The following KIF6 variants were observed in gnomAD, a reference collection of about 807,000 sequenced individuals.
KIF6 encodes kinesin family member 6, also known as kinesin-like protein KIF6.
KIF6 carries 106 observed loss-of-function variants against 112.7 expected under a neutral mutation model. That is an observed-to-expected ratio of 0.94 (90% CI 0.80 to 1.11). The LOEUF is 1.11. Among genes scored for constraint, KIF6 ranks in the 50% least tolerant of loss-of-function variants. The pLI, the probability that KIF6 is intolerant of heterozygous loss-of-function variation, is 0.00. For missense variants in KIF6, 929 were observed against 964.0 expected (o/e 0.96, Z 0.48); for synonymous variants, 339 against 339.9 (o/e 1.00, Z 0.03).
chr6:39,350,424 C>T (rs1254192812), intron 19 of KIF6, among the ~76,000 whole-genome samples: 1 of 152,126 alleles, frequency 6.6e-6, no homozygotes, highest in Non-Finnish European at 1.5e-5. Flanking sequence ...GCTGGTGACC[C>T]TGGGCAAGCT....
rs146236973 is a variant in KIF6, at chr6:39,640,591, T to C, written c.252-834A>G. The stretch of plus-strand genomic sequence containing the variant: ...GGTCCCCATGTTGTGGGTGGATTTT[T>C]TGATAGATGGCTCCTCTGAGTTCAC... On this transcript the variant is annotated intron_variant, in intron 3 of 22. Transcript: ENST00000287152. Among the ~76,000 whole-genome samples, 27 of 152,256 alleles carry C rather than the reference T, an allele frequency of 1.8e-4. No homozygotes were observed. In the East Asian group the frequency reaches 5.2e-3, roughly 29 times the overall value.
At chr6:39,570,740 T>A (rs1300372553) in intron 10 of KIF6, among the ~76,000 whole-genome samples, 1 of 152,308 alleles carries the variant, frequency 6.6e-6, no homozygotes, top group East Asian at 1.9e-4. Flanking sequence ...CCACTTTTGC[T>A]GGACACTCAC....
rs185394256 is a variant in KIF6, at chr6:39,402,520, G to A, written c.1811-16848C>T. ...AACAGAGATCAGAAAATCTCCTGAG[G>A]CACATTTAAGAAACCCATCAATTTT... On this transcript the variant is annotated intron_variant, in intron 15 of 22. Coordinates refer to ENST00000287152, the MANE Select transcript of KIF6 (RefSeq NM_145027.6). 2.3e-3 allele frequency among the ~76,000 whole-genome samples: 346 copies of A among 152,278 alleles called. 2 individuals carry two copies. The highest frequency in any genetic ancestry group is 7.8e-3 in the African/African-American group (324 of 41,562).
intron 14 of KIF6, among the ~76,000 whole-genome samples, chr6:39,425,438 C>T (rs1770696530): frequency 6.6e-6 from 1 of 151,994 alleles, no homozygotes; most frequent in Non-Finnish European, 1.5e-5. Flanking sequence ...CCCTTTGTTC[C>T]CCTTATGCTT....
chr6:39,546,147 T>C (rs1779059811), intron 10 of KIF6, among the ~76,000 whole-genome samples: 2 of 152,194 alleles, frequency 1.3e-5, no homozygotes, highest in South Asian at 2.1e-4. Context: ...CAAATCTTTC[T>C]ACAGCCCCCA....
chr6:39,663,561 A>G (rs947247252), intron 3 of KIF6, among the ~76,000 whole-genome samples: 3 of 152,138 alleles, frequency 2.0e-5, no homozygotes, highest in Admixed American at 2.0e-4. Context: ...AGATTTGGCT[A>G]TAAGAAGCTT....
At chr6:39,678,158 G>A (rs1198937103) in intron 3 of KIF6, among the ~76,000 whole-genome samples, 1 of 151,736 alleles carries the variant, frequency 6.6e-6, no homozygotes, top group African/African-American at 2.4e-5. Context: ...AACAACAGGT[G>A]CTGGAGAGGA....
intron 13 of KIF6, among the ~76,000 whole-genome samples, chr6:39,526,961 A>G (rs983558934): frequency 1.3e-5 from 2 of 152,194 alleles, no homozygotes; most frequent in African/African-American, 4.8e-5. Context: ...CTTAGAAACA[A>G]TATGATTTTT....
chr6:39,410,855 C>A (rs1208874760), intron 15 of KIF6, among the ~76,000 whole-genome samples: 2 of 152,198 alleles, frequency 1.3e-5, no homozygotes, highest in East Asian at 1.9e-4. Context: ...CCTACCTATA[C>A]CCTTTTTAAA....
chr6:39,385,188 G>A (rs1378071101), intron 16 of KIF6, among the ~76,000 whole-genome samples: 1 of 152,232 alleles, frequency 6.6e-6, no homozygotes, highest in Non-Finnish European at 1.5e-5. Context: ...TTGGACTGCT[G>A]TGGATGAAAG....
chr6:39,583,274 A>G (rs778976143), intron 9 of KIF6: 1 of 396,458 alleles, frequency 2.5e-6, no homozygotes, highest in Admixed American at 2.7e-5. Context: ...CTGTAATGCT[A>G]TAGGGCTTCT....
In KIF6 at chr6:39,337,171, CCTT is replaced by C. The variant is rs1309244615; in HGVS notation, c.2429-626_2429-624del. On this transcript the variant is annotated intron_variant, in intron 22 of 22. Transcript: ENST00000287152. The stretch of plus-strand genomic sequence containing the variant: ...TTCTCTTTCTTTTCTTTCTTTCCTT[CCTT>C]CTTTCTTTCTTTCTTTCTTTCTTTC... Among the ~76,000 whole-genome samples the C allele has an allele frequency of 4.9e-3, 234 of 47,716 alleles. 6 individuals carry two copies. Among genetic ancestry groups the C allele is most frequent in the African/African-American group, 7.0e-3 (41 of 5,858 alleles). 31.3% of individuals were successfully genotyped at this position (47,716 alleles called of 152,430 possible).
At chr6:39,565,859 T>C (rs143298385) in intron 10 of KIF6, among the ~76,000 whole-genome samples, 39 of 152,336 alleles carry the variant, frequency 2.6e-4, no homozygotes, top group Middle Eastern at 3.4e-3. Context: ...TTCGTTGACA[T>C]GTCCAGTTTT....
intron 5 of KIF6, among the ~76,000 whole-genome samples, chr6:39,620,742 TAAC>T (rs963436376): frequency 5.7e-5 from 8 of 140,816 alleles, no homozygotes; most frequent in African/African-American, 2.2e-4. Flanking sequence ...GATCACCCCT[TAAC>T]AACATTTTAT....
intron 13 of KIF6, among the ~76,000 whole-genome samples, chr6:39,432,995 G>C (rs1250368251): frequency 1.3e-5 from 2 of 152,066 alleles, no homozygotes; most frequent in African/African-American, 4.8e-5. Flanking sequence ...AAGGGGTGTG[G>C]GGTGGGAGTG....
chr6:39,524,721 G>C (rs537248888), intron 13 of KIF6, among the ~76,000 whole-genome samples: 1 of 152,290 alleles, frequency 6.6e-6, no homozygotes, highest in East Asian at 1.9e-4. Context: ...GGTCAACTGA[G>C]GCTGTTGTCA....
chr6:39,719,648 C>T (rs925598898), intron 2 of KIF6, among the ~76,000 whole-genome samples: 5 of 152,126 alleles, frequency 3.3e-5, no homozygotes, highest in African/African-American at 1.2e-4. Flanking sequence ...AAATTCAAGA[C>T]CTAGCTACAA....
chr6:39,426,499 C>T (rs1031753598), intron 14 of KIF6, among the ~76,000 whole-genome samples: 1 of 152,112 alleles, frequency 6.6e-6, no homozygotes, highest in Non-Finnish European at 1.5e-5. Context: ...CCTGTAATCC[C>T]AGTACTTTGG....
In KIF6 at chr6:39,636,816, TC is replaced by T. The variant is rs545066698; in HGVS notation, c.400-1859del. Among the ~76,000 whole-genome samples the T allele has an allele frequency of 5.2e-4, 79 of 152,048 alleles. 1 individual carries two copies. Among genetic ancestry groups the T allele is most frequent in the Non-Finnish European group, 8.5e-4 (58 of 67,976 alleles). On this transcript the variant is annotated intron_variant, in intron 4 of 22. Coordinates refer to ENST00000287152, the MANE Select transcript of KIF6 (RefSeq NM_145027.6). ...GAGAGTTTAGTATACATTTCTGAGT[TC>T]TTCTTAGCATCAGATAACAACTGAG...
Sources: allele counts gnomAD v4.1 joint callset (sites outside exome capture counted in the v4.1 genomes callset), GRCh38; gene constraint gnomAD v4.1.1; transcripts MANE v1.5; gene names NCBI Gene and HGNC (gene_info 2026-07-23, HGNC 2026-07-21).